Variants in OARD1 observed in about 807,000 individuals in gnomAD.
OARD1 encodes ADP-ribose glycohydrolase OARD1.
OARD1 carries 19 observed loss-of-function variants against 19.7 expected under a neutral mutation model. That is an observed-to-expected ratio of 0.96 (90% CI 0.67 to 1.41). The LOEUF is 1.41. Among genes scored for constraint, OARD1 ranks in the 40% most tolerant of loss-of-function variants. The pLI is 0.00. For missense variants in OARD1, 190 were observed against 183.8 expected (o/e 1.03, Z -0.20); for synonymous variants, 70 against 61.8 (o/e 1.13, Z -0.62).
intron 1 of OARD1, chr6:41,097,475 T>C: frequency 6.6e-7 from 1 of 1,523,490 alleles, no homozygotes; most frequent in Non-Finnish European, 9.1e-7. Context: ...ATTGATCAAC[T>C]CTTCCAATGG....
upstream of OARD1, among the ~76,000 whole-genome samples, chr6:41,073,244 C>A (rs927142041): frequency 2.1e-4 from 32 of 151,632 alleles, no homozygotes; most frequent in African/African-American, 5.6e-4. Context: ...GGCCCGGGGC[C>A]TGCGAGCGCC....
At chr6:41,083,924 C>T in intron 1 of OARD1, 1 of 922,272 alleles carries the variant, frequency 1.1e-6, no homozygotes, top group South Asian at 2.1e-5. Context: ...CATATATTTT[C>T]TTAGTCTTTT....
At chr6:41,097,648 A>C in intron 1 of OARD1, 1 of 462,014 alleles carries the variant, frequency 2.2e-6, no homozygotes, top group Non-Finnish European at 3.9e-6. Context: ...GATGACATTG[A>C]CATTTCATGG....
upstream of OARD1, among the ~76,000 whole-genome samples, chr6:41,073,790 T>A (rs1055371013): frequency 6.6e-6 from 1 of 151,846 alleles, no homozygotes; most frequent in East Asian, 1.9e-4. Flanking sequence ...GCCGCGCCCC[T>A]CCTCCCAGCC....
intron 4 of OARD1, chr6:41,069,836 T>A (rs745575197): frequency 5.3e-6 from 3 of 568,118 alleles, no homozygotes; most frequent in Non-Finnish European, 9.5e-6. Flanking sequence ...CTATGGTACA[T>A]GATACACGAC....
intron 1 of OARD1, among the ~76,000 whole-genome samples, chr6:41,087,899 T>C (rs1452922469): frequency 6.6e-6 from 1 of 152,202 alleles, no homozygotes; most frequent in African/African-American, 2.4e-5. Context: ...GAAGATAGAT[T>C]TGGATAGCAC....
At position 41,070,718 on chromosome 6, in the gene OARD1, G is replaced by A. The variant is rs553177828; in HGVS notation, c.184+414C>T. 1.9e-5 allele frequency: 6 copies of A among 323,522 alleles called. No individual in the cohort carries two copies. In the East Asian group the frequency reaches 2.0e-4, roughly 11 times the overall value. The allele number at this position is 323,522 out of a possible 1,614,324, so 20.0% of individuals were successfully genotyped here. ...GAAACTGTTGCAGAAGCTTTACATAGGATTCTAGTGCACATTTCTGGTTTA... is the reference window on the plus strand; with the variant it reads ...GAAACTGTTGCAGAAGCTTTACATAAGATTCTAGTGCACATTTCTGGTTTA... On this transcript the variant is annotated intron_variant, in intron 3 of 5. Coordinates refer to ENST00000424266, the MANE Select transcript of OARD1 (RefSeq NM_001329686.2).
chr6:41,088,223 C>T (rs1764097863), intron 1 of OARD1, among the ~76,000 whole-genome samples: 2 of 151,950 alleles, frequency 1.3e-5, no homozygotes, highest in Admixed American at 1.3e-4. Context: ...TCGAGACCAT[C>T]CTGGTTAACA....
chr6:41,066,655 T>G lies in OARD1; in HGVS notation c.*680A>C, dbSNP rs1204503431. 6.6e-6 allele frequency: 1 copy of G among 152,200 alleles called. No homozygotes were observed. Among genetic ancestry groups the G allele is most frequent in the African/African-American group, 2.4e-5 (1 of 41,446 alleles). The allele number at this position is 152,200 out of a possible 1,614,324, so 9.4% of individuals were successfully genotyped here. A position where few individuals can be genotyped will look rare whatever the true frequency, so the allele number is the denominator to read the frequency against. Reference sequence around the variant, plus strand: ...GATTCTAAAAACCTGCCTTTTGACTTGTCTATTTTTATCTCTTATTTCTCA... The same window carrying G: ...GATTCTAAAAACCTGCCTTTTGACTGGTCTATTTTTATCTCTTATTTCTCA... On this transcript the variant is annotated 3_prime_UTR_variant, in exon 6 of 6. Coordinates refer to ENST00000424266, the MANE Select transcript of OARD1 (RefSeq NM_001329686.2).
At position 41,087,252 on chromosome 6, in the gene OARD1, G is replaced by C. The variant is rs114270731; in HGVS notation, c.-42+10461C>G. ...TTTCTGAATGCCAATTATGAGCTGA[G>C]TATTTGGAAAAAATAATTCAGAAGA... is the stretch of plus-strand genomic sequence containing the variant. On this transcript the variant is annotated intron_variant, in intron 1 of 4. Transcript: ENST00000480585. 4.1e-3 allele frequency among the ~76,000 whole-genome samples: 626 copies of C among 152,308 alleles called. 4 individuals are homozygous for C. The highest frequency in any genetic ancestry group is 0.013 in the African/African-American group (558 of 41,572).
At chr6:41,080,723 C>A in intron 1 of OARD1, 1 of 1,092,860 alleles carries the variant, frequency 9.2e-7, no homozygotes, top group Non-Finnish European at 1.4e-6. Context: ...GCTTCCGTCT[C>A]TCTCCTCCAA....
At chr6:41,071,413 T>C in intron 2 of OARD1, 137 bp from the exon 3 acceptor site, 1 of 1,017,012 alleles carries the variant, frequency 9.8e-7, no homozygotes, top group Non-Finnish European at 1.5e-6. Flanking sequence ...CCAAACCAAT[T>C]ACAGCATGTG....
intron 1 of OARD1, chr6:41,080,915 T>G (rs1385517158): frequency 6.2e-7 from 1 of 1,603,182 alleles, no homozygotes; most frequent in Non-Finnish European, 8.5e-7. Context: ...CCTCTCTGAT[T>G]CTCTGTGAGC....
At chr6:41,097,442 CAT>C in intron 1 of OARD1, 1 of 1,607,996 alleles carries the variant, frequency 6.2e-7, no homozygotes, top group Non-Finnish European at 8.5e-7. Context: ...TGATCAAGGT[CAT>C]GTTTCTCACT....
intron 2 of OARD1, 107 bp downstream of exon 2, chr6:41,071,489 G>T: frequency 2.7e-6 from 3 of 1,123,888 alleles, no homozygotes; most frequent in Non-Finnish European, 2.7e-6. Context: ...ATCAGCTAGA[G>T]AGAAAAAAAG....
At chr6:41,087,886 AAAG>A (rs1764088576) in intron 1 of OARD1, among the ~76,000 whole-genome samples, 1 of 152,232 alleles carries the variant, frequency 6.6e-6, no homozygotes, top group Non-Finnish European at 1.5e-5. Context: ...TAAAAAAAAG[AAAG>A]AAGATAGATT....
Position 41,071,668 on chromosome 6 carries a change from T to C in OARD1, c.-34A>G, listed in dbSNP as rs772080242. ...GTCGCTATTTCCAGAATTTAAGTGT[T>C]TCTTCAGCTATGAGAAGGGAAAAGG... On this transcript the variant is annotated 5_prime_UTR_variant, in exon 2 of 6. Coordinates refer to ENST00000424266, the MANE Select transcript of OARD1 (RefSeq NM_001329686.2). 8 of 1,592,110 alleles carry C rather than the reference T, an allele frequency of 5.0e-6. No individual in the cohort carries two copies. Among genetic ancestry groups the C allele is most frequent in the Non-Finnish European group, 2.6e-6 (3 of 1,159,912 alleles).
intron 4 of OARD1, chr6:41,069,834 C>T (rs1650864977): frequency 1.8e-6 from 1 of 562,172 alleles, no homozygotes; most frequent in Non-Finnish European, 3.2e-6. Flanking sequence ...GCCTATGGTA[C>T]ATGATACACG....
chr6:41,088,606 C>T (rs1380201946), intron 1 of OARD1, among the ~76,000 whole-genome samples: 3 of 151,776 alleles, frequency 2.0e-5, no homozygotes, highest in Non-Finnish European at 4.4e-5. Flanking sequence ...TTTTTTGAGA[C>T]AGTTACTCGC....
Sources: gnomAD v4.1 joint callset for allele counts (sites outside exome capture counted in the v4.1 genomes callset) on GRCh38, gnomAD v4.1.1 for gene constraint, MANE v1.5 for transcripts, NCBI Gene and HGNC (gene_info 2026-07-23, HGNC 2026-07-21) for gene names.